BCAS1: variants seen among roughly 807,000 people sequenced by gnomAD.
BCAS1 encodes the protein breast carcinoma-amplified sequence 1.
BCAS1 carries 46 observed loss-of-function variants against 65.4 expected under a neutral mutation model. The observed-to-expected ratio is 0.70, with a 90% CI of 0.55 to 0.90. BCAS1 has a LOEUF of 0.90. Ranked by LOEUF, BCAS1 falls within the 40% of genes least tolerant of loss-of-function variation. The probability of loss-of-function intolerance (pLI) is 0.00; values close to 1 mark genes in which losing one functional copy is unlikely to be tolerated. For missense variants in BCAS1, 793 were observed against 771.2 expected, an observed-to-expected ratio of 1.03 and a Z score of -0.33; for synonymous variants, 298 against 293.5, an observed-to-expected ratio of 1.02 and a Z score of -0.16.
At chr20:54,019,220 A>G (rs1378448116) in intron 4 of BCAS1, among the ~76,000 whole-genome samples, 4 of 152,172 alleles carry the variant, frequency 2.6e-5, no homozygotes, top group African/African-American at 4.8e-5. Context: ...CGTTCTCTAG[A>G]AGAACCATTC....
At chr20:53,992,691 C>T (rs780896994) in intron 6 of BCAS1, 45 bp from the exon 7 acceptor site, 8 of 1,360,964 alleles carry the variant, frequency 5.9e-6, no homozygotes, top group Admixed American at 1.9e-5. Flanking sequence ...TGTTTTTGAA[C>T]AAAATTCTTT....
At chr20:54,045,158 G>A (rs920310988) in intron 3 of BCAS1, among the ~76,000 whole-genome samples, 5 of 151,392 alleles carry the variant, frequency 3.3e-5, no homozygotes, top group African/African-American at 1.2e-4. Flanking sequence ...GCTGCAGTGA[G>A]TGATGATCAT....
intron 7 of BCAS1, among the ~76,000 whole-genome samples, chr20:53,991,726 C>T (rs1245440778): frequency 6.6e-6 from 1 of 152,086 alleles, no homozygotes; most frequent in Non-Finnish European, 1.5e-5. Context: ...TCAGTGTAAG[C>T]TTAGTTAATA....
rs1276271680 is a variant in BCAS1 at position 53,977,108 on chromosome 20, GAGA to G, written c.1276-1681_1276-1679del. Among the ~76,000 whole-genome samples, 161 of 152,272 alleles carry G rather than the reference GAGA, an allele frequency of 1.1e-3. 3 individuals are homozygous for G. The East Asian group carries it at 0.03, about 28-fold the overall frequency. On this transcript the variant is annotated intron_variant, in intron 8 of 12. Transcript: ENST00000688948. ...GGTGGCAGGCAAGAGAGAGCGAAGGGAGAAGAGCCCCTTATAAAGCCATCAGAT... is the reference window on the plus strand; with the variant it reads ...GGTGGCAGGCAAGAGAGAGCGAAGGGAGAGCCCCTTATAAAGCCATCAGAT...
intron 4 of BCAS1, among the ~76,000 whole-genome samples, chr20:54,006,799 G>C (rs1465629647): frequency 6.6e-6 from 1 of 152,080 alleles, no homozygotes; most frequent in Non-Finnish European, 1.5e-5. Flanking sequence ...AAGATTAGGA[G>C]AGAAATTTTT....
intron 3 of BCAS1, among the ~76,000 whole-genome samples, chr20:54,038,621 T>C (rs944397067): frequency 2.0e-5 from 3 of 151,398 alleles, no homozygotes; most frequent in African/African-American, 7.3e-5. Context: ...ATGAAATTTC[T>C]TTTTCTGACA....
chr20:53,964,717 T>A (rs1457762754), intron 10 of BCAS1, among the ~76,000 whole-genome samples: 8 of 152,180 alleles, frequency 5.3e-5, no homozygotes, highest in Admixed American at 3.9e-4. Context: ...AACAGATAGC[T>A]CTGGGGGATA....
chr20:54,037,492 C>T (rs986704344), intron 3 of BCAS1, among the ~76,000 whole-genome samples: 2 of 151,408 alleles, frequency 1.3e-5, no homozygotes, highest in Non-Finnish European at 3.0e-5. Flanking sequence ...AAAACAATAG[C>T]TAACATTCAT....
rs1568822291 is a variant in BCAS1, at chr20:53,967,050, C to G, written c.1341G>C (p.Glu447Asp). The G allele has an allele frequency of 2.2e-5, 36 of 1,610,714 alleles. No individual in the cohort carries two copies. Among genetic ancestry groups the G allele is most frequent in the Non-Finnish European group, 3.1e-5 (36 of 1,178,688 alleles). The change falls in exon 10 of 13, where the codon GAG becomes GAC. Residue 447 changes from glutamate (E) to aspartate (D), a missense_variant. By Grantham distance (45) the Glu-to-Asp change is conservative. Coordinates refer to ENST00000688948, the MANE Select transcript of BCAS1 (RefSeq NM_001366298.2). Reference protein sequence around the residue: ...EENVVCESPVEIIKSKEVESA... With the variant: ...EENVVCESPVDIIKSKEVESA... ...ATTCTACTTCCTTGGACTTTATAAT[C>G]TCTACTGGTGACTCACACACCACCT...
At chr20:53,950,922 T>C (rs2089499911) in intron 12 of BCAS1, among the ~76,000 whole-genome samples, 1 of 152,182 alleles carries the variant, frequency 6.6e-6, no homozygotes, top group South Asian at 2.1e-4. Flanking sequence ...AATAAAAATT[T>C]ATTTATAGAA....
intron 8 of BCAS1, among the ~76,000 whole-genome samples, chr20:53,983,119 G>C (rs1292257919): frequency 6.6e-6 from 1 of 152,186 alleles, no homozygotes; most frequent in Non-Finnish European, 1.5e-5. Flanking sequence ...CAAAGGAATA[G>C]CTTGAACTTC....
intron 3 of BCAS1, among the ~76,000 whole-genome samples, chr20:54,043,159 C>T (rs1202626364): frequency 6.6e-6 from 1 of 152,190 alleles, no homozygotes; most frequent in African/African-American, 2.4e-5. Context: ...TAACATCCCA[C>T]CACTGTCCCT....
At chr20:54,032,563 C>T (rs1437230434) in intron 3 of BCAS1, among the ~76,000 whole-genome samples, 1 of 151,362 alleles carries the variant, frequency 6.6e-6, no homozygotes, top group African/African-American at 2.4e-5. Flanking sequence ...CATTGGTATA[C>T]TGTCTTCAAG....
At chr20:53,997,237 C>T (rs1415535886) in intron 4 of BCAS1, among the ~76,000 whole-genome samples, 10 of 152,242 alleles carry the variant, frequency 6.6e-5, no homozygotes, top group Non-Finnish European at 2.9e-5. Flanking sequence ...ATCTACTTCA[C>T]TCAGTGCTTT....
At chr20:54,011,961 G>A (rs942507093) in intron 4 of BCAS1, among the ~76,000 whole-genome samples, 25 of 152,140 alleles carry the variant, frequency 1.6e-4, no homozygotes, top group African/African-American at 5.6e-4. Context: ...AAAAACCTAT[G>A]CATTAATGTT....
chr20:53,974,773 G>A (rs2090280355), intron 9 of BCAS1, among the ~76,000 whole-genome samples: 1 of 152,172 alleles, frequency 6.6e-6, no homozygotes, highest in Non-Finnish European at 1.5e-5. Flanking sequence ...CTACGTTTTT[G>A]TGATGTTTTA....
chr20:53,992,485 T>C (rs778458834), intron 7 of BCAS1, 27 bp downstream of exon 7: 1 of 1,363,422 alleles, frequency 7.3e-7, no homozygotes, highest in Admixed American at 1.9e-5. Flanking sequence ...GTTCTTGTTT[T>C]TCCTCCTACT....
At chr20:54,000,100 A>G (rs1167462685) in intron 4 of BCAS1, among the ~76,000 whole-genome samples, 1 of 152,192 alleles carries the variant, frequency 6.6e-6, no homozygotes, top group African/African-American at 2.4e-5. Flanking sequence ...ATCCCGGCAT[A>G]TCTGATGCTG....
Position 53,943,750 on chromosome 20 carries a change from C to G in BCAS1, c.*1172G>C, listed in dbSNP as rs926867712. On this transcript the variant is annotated 3_prime_UTR_variant, in exon 13 of 13. Coordinates refer to ENST00000688948, the MANE Select transcript of BCAS1 (RefSeq NM_001366298.2). ...GGTTATGGGGAGGGTTTTATCAGAG[C>G]ACATCCTGAGAACATTAGGAATGAC... 2 of 152,032 alleles carry G rather than the reference C, an allele frequency of 1.3e-5. No individual in the cohort carries two copies. The highest frequency in any genetic ancestry group is 4.8e-5 in the African/African-American group (2 of 41,376). 9.4% of individuals were successfully genotyped at this position (152,032 alleles called of 1,614,324 possible).
Sources: allele counts gnomAD v4.1 joint callset (sites outside exome capture counted in the v4.1 genomes callset), GRCh38; gene constraint gnomAD v4.1.1; transcripts MANE v1.5; gene names NCBI Gene and HGNC (gene_info 2026-07-23, HGNC 2026-07-21).